Variants in SCAMP4 observed in about 807,000 individuals in gnomAD.
SCAMP4 encodes the protein secretory carrier membrane protein 4.
Under a neutral mutation model 32.1 loss-of-function variants are expected in SCAMP4, and 19 were observed. That is an observed-to-expected ratio of 0.59 (90% confidence interval 0.41 to 0.87). The LOEUF (loss-of-function observed/expected upper bound fraction) is 0.87. Among genes scored for constraint, SCAMP4 ranks in the 40% least tolerant of loss-of-function variants. The probability of loss-of-function intolerance (pLI) is 0.00; values close to 1 mark genes in which losing one functional copy is unlikely to be tolerated. For missense variants in SCAMP4, 302 were observed against 309.0 expected (o/e 0.98, Z 0.17); for synonymous variants, 152 against 132.7 (o/e 1.15, Z -1.00).
intron 5 of SCAMP4, chr19:1,920,000 G>A (rs1013819273): frequency 3.9e-6 from 1 of 259,042 alleles, no homozygotes; most frequent in East Asian, 1.8e-4. Context: ...AGTAAGAGAC[G>A]GGGTTTCACC....
intron 1 of SCAMP4, chr19:1,912,735 T>A (rs746157153): frequency 6.5e-7 from 1 of 1,536,948 alleles, no homozygotes; most frequent in Admixed American, 1.9e-5. Context: ...CGGCCACGAC[T>A]GCAGCTGCGC....
chr19:1,924,201 G>GC lies in SCAMP4; in HGVS notation c.610dup (p.Gln204ProfsTer162), dbSNP rs749455138. 6.2e-7 allele frequency: 1 copy of GC among 1,609,828 alleles called. No homozygotes were observed. The highest frequency in any genetic ancestry group is 1.3e-5 in the African/African-American group (1 of 74,976). On this transcript the variant is annotated frameshift_variant, in exon 7 of 7. Coordinates refer to ENST00000316097, the MANE Select transcript of SCAMP4 (RefSeq NM_079834.4). LOFTEE classifies it high-confidence loss of function. Reference sequence around the variant, plus strand: ...TTGGCGGAACCCACCGTCGAGGGAGGCCCAGTACAACAACTTCTCAGGCAA... The same window carrying GC: ...TTGGCGGAACCCACCGTCGAGGGAGGCCCCAGTACAACAACTTCTCAGGCAA...
intron 1 of SCAMP4, chr19:1,907,296 G>A (rs918860740): frequency 5.9e-5 from 9 of 151,814 alleles, no homozygotes; most frequent in Non-Finnish European, 1.0e-4. Context: ...CTGGGCTGTG[G>A]GTCACTGCCT....
At chr19:1,918,024 T>C (rs10415845) in intron 3 of SCAMP4, 103 bp from the exon 4 acceptor site, 1,339,149 of 1,450,084 alleles carry the variant, frequency 0.92, 618,951 homozygotes, top group Non-Finnish European at 0.93. Flanking sequence ...ATGGGGTCAC[T>C]GGGCTGGGGA....
At position 1,919,143 on chromosome 19, in the gene SCAMP4, G is replaced by A. The variant is rs951954531; in HGVS notation, c.395+153G>A. ...GTCTGAGCTCACCCTGGCAGCGCCC[G>A]CGTCCTCGCCAGCGCCCGCGTCCTC... On this transcript the variant is annotated intron_variant, in intron 5 of 6. Coordinates refer to ENST00000316097, the MANE Select transcript of SCAMP4 (RefSeq NM_079834.4). The A allele has an allele frequency of 7.7e-5, 112 of 1,455,418 alleles. No homozygotes were observed. The Admixed American group carries it at 1.6e-3, about 20-fold the overall frequency. The allele number at this position is 1,455,418 out of a possible 1,614,324, so 90.2% of individuals were successfully genotyped here.
chr19:1,920,063 G>A lies in SCAMP4; in HGVS notation c.395+1073G>A, dbSNP rs542596971. 31 of 795,306 alleles carry A rather than the reference G, an allele frequency of 3.9e-5. No individual in the cohort carries two copies. The South Asian group carries it at 8.7e-4, about 22-fold the overall frequency. 49.3% of individuals were successfully genotyped at this position (795,306 alleles called of 1,614,324 possible). ...CCTAACCTCGTGATCCACCCGCCTC[G>A]GCCTCCCAAAGTGCTGGGATTACAG... is the stretch of plus-strand genomic sequence containing the variant. On this transcript the variant is annotated intron_variant, in intron 5 of 6. Coordinates refer to ENST00000316097, the MANE Select transcript of SCAMP4 (RefSeq NM_079834.4).
chr19:1,924,379 T>G lies in SCAMP4; in HGVS notation c.*95T>G. 3.1e-5 allele frequency: 36 copies of G among 1,155,976 alleles called. No individual in the cohort carries two copies. The highest frequency in any genetic ancestry group is 4.0e-5 in the Non-Finnish European group (33 of 818,630). 71.6% of individuals were successfully genotyped at this position (1,155,976 alleles called of 1,614,324 possible). A position where few individuals can be genotyped will look rare whatever the true frequency, so the allele number is the denominator to read the frequency against. On this transcript the variant is annotated 3_prime_UTR_variant, in exon 7 of 7. Coordinates refer to ENST00000316097, the MANE Select transcript of SCAMP4 (RefSeq NM_079834.4). ...AGGGCTGGGAGTACCTGGGGCCCCATCCCCCCAGCTGGGATGGTGGAAGCC... is the reference window on the plus strand; with the variant it reads ...AGGGCTGGGAGTACCTGGGGCCCCAGCCCCCCAGCTGGGATGGTGGAAGCC...
intron 5 of SCAMP4, chr19:1,922,729 C>T (rs1029910200): frequency 5.0e-6 from 5 of 1,009,722 alleles, no homozygotes; most frequent in Non-Finnish European, 5.9e-6. Context: ...GCCGGACTCA[C>T]TGAGGGAAAC....
chr19:1,923,103 C>T lies in SCAMP4; in HGVS notation c.429C>T (p.Tyr143=). 6.4e-7 allele frequency: 1 copy of T among 1,552,376 alleles called. No individual in the cohort carries two copies. Among genetic ancestry groups the T allele is most frequent in the Admixed American group, 2.0e-5 (1 of 51,132 alleles). Residue 143 remains tyrosine, a synonymous_variant, in exon 6 of 7, where the codon TAC becomes TAT. Coordinates refer to ENST00000316097, the MANE Select transcript of SCAMP4 (RefSeq NM_079834.4). ...TGTCGGCAATTGGATTCTTCCAGTA[C>T]AGCCCGGGCGCTGCCGTGGTCATGC... The part of the protein sequence containing the change: ...GWLSAIGFFQ[Y]SPGAAVVMLL...
intron 5 of SCAMP4, chr19:1,920,717 C>A: frequency 1.0e-5 from 10 of 985,552 alleles, no homozygotes; most frequent in Non-Finnish European, 1.2e-5. Flanking sequence ...GCTGCCAGCT[C>A]GGCTCCCACT....
chr19:1,918,350 C>A, intron 4 of SCAMP4, 67 bp downstream of exon 4: 3 of 1,454,158 alleles, frequency 2.1e-6, no homozygotes, highest in East Asian at 4.9e-5. Flanking sequence ...ACCCCAGTCC[C>A]AGCCCAGCTG....
chr19:1,912,070 G>T, intron 1 of SCAMP4: 1 of 1,444,544 alleles, frequency 6.9e-7, no homozygotes. Flanking sequence ...TCCCGTCTCT[G>T]TCTCCCACAG....
At chr19:1,910,546 C>T (rs537529891) in intron 1 of SCAMP4, among the ~76,000 whole-genome samples, 6 of 150,352 alleles carry the variant, frequency 4.0e-5, no homozygotes, top group Non-Finnish European at 8.9e-5. Context: ...CTGAATAGGA[C>T]ACTTGATAGT....
At chr19:1,911,596 C>T (rs993801886) in intron 1 of SCAMP4, among the ~76,000 whole-genome samples, 4 of 152,252 alleles carry the variant, frequency 2.6e-5, no homozygotes, top group South Asian at 2.1e-4. Flanking sequence ...GCCTGAACGA[C>T]GTGGTGAAAT....
chr19:1,914,934 C>A, intron 1 of SCAMP4, 45 bp from the exon 2 acceptor site: 1 of 1,541,104 alleles, frequency 6.5e-7, no homozygotes, highest in Non-Finnish European at 9.0e-7. Context: ...AGCGCTCTGC[C>A]CAGGGCAGCT....
chr19:1,923,039 A>G (rs2145461765), intron 5 of SCAMP4, 31 bp from the exon 6 acceptor site: 3 of 1,513,336 alleles, frequency 2.0e-6, no homozygotes, highest in East Asian at 2.6e-5. Context: ...GCAGGTGTGC[A>G]GGCACCCACG....
intron 1 of SCAMP4, chr19:1,912,548 C>A: frequency 6.7e-7 from 1 of 1,500,586 alleles, no homozygotes. Context: ...CGTCCTTCCA[C>A]GAGGACAAGC....
chr19:1,918,761 C>CAA (rs376128461), intron 4 of SCAMP4, 128 bp from the exon 5 acceptor site: 444 of 1,131,398 alleles, frequency 3.9e-4, no homozygotes, highest in East Asian at 8.6e-4. Flanking sequence ...GACTCCATCT[C>CAA]AAAAAAAAAA....
intron 1 of SCAMP4, among the ~76,000 whole-genome samples, chr19:1,913,666 C>T (rs1023462436): frequency 5.9e-5 from 9 of 152,194 alleles, no homozygotes; most frequent in African/African-American, 2.2e-4. Context: ...AGTGTGTGGA[C>T]ACTAGGCGTA....
Sources: allele counts gnomAD v4.1 joint callset (sites outside exome capture counted in the v4.1 genomes callset), GRCh38; gene constraint gnomAD v4.1.1; transcripts MANE v1.5; gene names NCBI Gene and HGNC (gene_info 2026-07-23, HGNC 2026-07-21).